The following PPM1E variants were observed in gnomAD, a reference collection of about 807,000 sequenced individuals.
PPM1E encodes the protein protein phosphatase, Mg2+/Mn2+ dependent 1E.
A neutral mutation model predicts 65.9 loss-of-function variants in PPM1E; 20 were observed. The observed-to-expected ratio is 0.30, with a 90% CI of 0.21 to 0.44. PPM1E has a LOEUF of 0.44. Among genes scored for constraint, PPM1E ranks in the 20% least tolerant of loss-of-function variants. The pLI, the probability that PPM1E is intolerant of heterozygous loss-of-function variation, is 1.00. For synonymous variants in PPM1E, 352 were observed against 374.9 expected, an observed-to-expected ratio of 0.94 and a Z score of 0.70; for missense variants, 713 against 953.1, an observed-to-expected ratio of 0.75 and a Z score of 3.32.
At chr17:58,851,861 A>G (rs2050829298) in intron 1 of PPM1E, among the ~76,000 whole-genome samples, 1 of 152,226 alleles carries the variant, frequency 6.6e-6, no homozygotes, top group Non-Finnish European at 1.5e-5. Context: ...TTGTTCAGCT[A>G]TGCCCTGCTC....
At chr17:58,952,140 T>C (rs1300410588) in intron 1 of PPM1E, among the ~76,000 whole-genome samples, 1 of 152,248 alleles carries the variant, frequency 6.6e-6, no homozygotes, top group African/African-American at 2.4e-5. Context: ...AGTATCCCAA[T>C]GGCCTAGGCT....
At position 58,836,750 on chromosome 17, in the gene PPM1E, G is replaced by A. The variant is rs565603817; in HGVS notation, c.464+80289G>A. On this transcript the variant is annotated intron_variant, in intron 1 of 6. Transcript: ENST00000308249. ...AGTGCCAGGATTATTGGCCGGGCGC[G>A]GTGGCTCACGCCTGTAATCCCAGCA... Among the ~76,000 whole-genome samples, 856 of 150,100 alleles carry A rather than the reference G, an allele frequency of 5.7e-3. 7 individuals are homozygous for A. The highest frequency in any genetic ancestry group is 0.02 in the African/African-American group (805 of 41,170).
At chr17:58,875,137 A>T (rs1231023812) in intron 1 of PPM1E, among the ~76,000 whole-genome samples, 1 of 152,186 alleles carries the variant, frequency 6.6e-6, no homozygotes, top group Non-Finnish European at 1.5e-5. Flanking sequence ...TAGATTAGTA[A>T]ATTATTATAA....
intron 1 of PPM1E, among the ~76,000 whole-genome samples, chr17:58,951,784 G>A (rs764421466): frequency 5.9e-5 from 9 of 152,096 alleles, no homozygotes; most frequent in South Asian, 2.1e-4. Flanking sequence ...ATGCAGTATC[G>A]TGAGACCTTC....
chr17:58,933,057 G>A (rs1368488159), intron 1 of PPM1E, among the ~76,000 whole-genome samples: 1 of 152,134 alleles, frequency 6.6e-6, no homozygotes, highest in African/African-American at 2.4e-5. Flanking sequence ...GGAACAATAG[G>A]CTGTACCCTA....
intron 1 of PPM1E, among the ~76,000 whole-genome samples, chr17:58,760,501 T>G (rs1021927645): frequency 1.8e-4 from 27 of 152,206 alleles, no homozygotes; most frequent in African/African-American, 5.8e-4. Flanking sequence ...CTCTTAAATA[T>G]GTCTTTCTTC....
intron 1 of PPM1E, among the ~76,000 whole-genome samples, chr17:58,828,017 G>A (rs1186886610): frequency 1.3e-5 from 2 of 151,050 alleles, no homozygotes; most frequent in Non-Finnish European, 2.9e-5. Context: ...TCAGGAGTTC[G>A]AGACCAGCTT....
chr17:58,777,338 CAT>C (rs1292713493), intron 1 of PPM1E, among the ~76,000 whole-genome samples: 1 of 152,066 alleles, frequency 6.6e-6, no homozygotes, highest in Non-Finnish European at 1.5e-5. Context: ...ACTTTATGAA[CAT>C]TGAATTATCC....
chr17:58,885,887 G>A (rs541927542), intron 1 of PPM1E, among the ~76,000 whole-genome samples: 2 of 152,282 alleles, frequency 1.3e-5, no homozygotes, highest in East Asian at 3.9e-4. Context: ...GGAGTAGGGA[G>A]GAGAATCAAC....
At chr17:58,866,108 A>G (rs940532339) in intron 1 of PPM1E, among the ~76,000 whole-genome samples, 3 of 152,212 alleles carry the variant, frequency 2.0e-5, no homozygotes, top group Admixed American at 2.0e-4. Flanking sequence ...TAGCCAGCTA[A>G]ATGCCAGAAA....
chr17:58,871,737 A>G lies in PPM1E; in HGVS notation c.465-83912A>G, dbSNP rs555297436. Among the ~76,000 whole-genome samples, 359 of 151,158 alleles carry G rather than the reference A, an allele frequency of 2.4e-3. 3 individuals are homozygous for G. The highest frequency in any genetic ancestry group is 8.2e-3 in the African/African-American group (338 of 41,122). On this transcript the variant is annotated intron_variant, in intron 1 of 6. Transcript: ENST00000308249. ...AGACTGAGGTGAGTGAATCATTTGG[A>G]CCTCGGAAGTTGAGGCTTCAGTGAG...
At chr17:58,792,743 C>CTTTTTTTTTTTTTTTT (rs780992600) in intron 1 of PPM1E, among the ~76,000 whole-genome samples, 1 of 76,380 alleles carries the variant, frequency 1.3e-5, no homozygotes, top group African/African-American at 6.4e-5. Context: ...GAATTTTACT[C>CTTTTTTTTTTTTTTTT]TTTTTTTTTT....
chr17:58,979,135 G>A (rs891896071), intron 6 of PPM1E, among the ~76,000 whole-genome samples: 1 of 152,218 alleles, frequency 6.6e-6, no homozygotes, highest in African/African-American at 2.4e-5. Context: ...GGCCCAGAAA[G>A]ACCTTGGGTT....
At chr17:58,895,138 T>TG (rs1001918242) in intron 1 of PPM1E, among the ~76,000 whole-genome samples, 13 of 152,162 alleles carry the variant, frequency 8.5e-5, no homozygotes, top group Admixed American at 6.5e-4. Context: ...ATTGTAATTT[T>TG]GGGGGGTGGC....
At chr17:58,863,418 G>A (rs1405966124) in intron 1 of PPM1E, among the ~76,000 whole-genome samples, 2 of 152,222 alleles carry the variant, frequency 1.3e-5, no homozygotes. Flanking sequence ...CAGGTCCTGT[G>A]CAGGCCCCAC....
At chr17:58,848,500 T>G (rs2050793689) in intron 1 of PPM1E, among the ~76,000 whole-genome samples, 1 of 152,146 alleles carries the variant, frequency 6.6e-6, no homozygotes. Flanking sequence ...TGAATTTTGT[T>G]GAAGGCTTTT....
rs1183381198 is a variant in PPM1E, at chr17:58,984,293, T to C, written c.*3262T>C. On this transcript the variant is annotated 3_prime_UTR_variant, in exon 7 of 7. Coordinates refer to ENST00000308249, the MANE Select transcript of PPM1E (RefSeq NM_014906.5). Reference sequence around the variant, plus strand: ...TTTTCATGACAACCACACTCCACTGTTGAAACACTGTGCCAGTGAGAAGTG... The same window carrying C: ...TTTTCATGACAACCACACTCCACTGCTGAAACACTGTGCCAGTGAGAAGTG... 1.3e-5 allele frequency: 2 copies of C among 152,614 alleles called. No individual in the cohort carries two copies. Among genetic ancestry groups the C allele is most frequent in the East Asian group, 3.9e-4 (2 of 5,186 alleles). The allele number at this position is 152,614 out of a possible 1,614,324, so 9.5% of individuals were successfully genotyped here.
intron 1 of PPM1E, among the ~76,000 whole-genome samples, chr17:58,943,357 C>T (rs1022063573): frequency 1.3e-4 from 20 of 152,232 alleles, no homozygotes; most frequent in Admixed American, 4.6e-4. Flanking sequence ...AAATGAACCT[C>T]GAATAAACCG....
At chr17:58,906,190 G>C (rs2051556019) in intron 1 of PPM1E, among the ~76,000 whole-genome samples, 1 of 152,106 alleles carries the variant, frequency 6.6e-6, no homozygotes, top group South Asian at 2.1e-4. Flanking sequence ...GATCTATAGT[G>C]ATGTCCCATC....
Sources: allele counts gnomAD v4.1 joint callset (sites outside exome capture counted in the v4.1 genomes callset), GRCh38; gene constraint gnomAD v4.1.1; transcripts MANE v1.5; gene names NCBI Gene and HGNC (gene_info 2026-07-23, HGNC 2026-07-21).